Variants in SLC1A2 observed in about 807,000 individuals in gnomAD.
The protein encoded by SLC1A2 is solute carrier family 1 member 2, also known as excitatory amino acid transporter 2.
SLC1A2 carries 15 observed loss-of-function variants against 48.8 expected under a neutral mutation model. The observed-to-expected ratio is 0.31, with a 90% CI of 0.21 to 0.47. SLC1A2 has a LOEUF of 0.47. SLC1A2 is among the 20% of genes least tolerant of loss of function. SLC1A2 has a pLI of 0.99. For synonymous variants in SLC1A2, 279 were observed against 272.6 expected (o/e 1.02, Z -0.23); for missense variants, 502 against 730.5 (o/e 0.69, Z 3.61).
intron 1 of SLC1A2, among the ~76,000 whole-genome samples, chr11:35,319,153 G>T (rs1240219427): frequency 1.3e-5 from 2 of 152,224 alleles, no homozygotes; most frequent in Non-Finnish European, 2.9e-5. Context: ...GGGTATGACT[G>T]CTCACAGCAG....
chr11:35,371,442 C>A (rs1224431107), intron 1 of SLC1A2, among the ~76,000 whole-genome samples: 2 of 152,198 alleles, frequency 1.3e-5, no homozygotes, highest in Admixed American at 1.3e-4. Flanking sequence ...GGCCACTGGG[C>A]AGTCTACAAC....
intron 4 of SLC1A2, among the ~76,000 whole-genome samples, chr11:35,308,567 T>A (rs1325365596): frequency 1.3e-5 from 2 of 152,210 alleles, no homozygotes; most frequent in Non-Finnish European, 2.9e-5. Context: ...TCTTGCTGCA[T>A]CATTATATGG....
intron 1 of SLC1A2, among the ~76,000 whole-genome samples, chr11:35,402,446 C>T (rs1446692675): frequency 2.6e-5 from 4 of 152,166 alleles, no homozygotes; most frequent in Non-Finnish European, 5.9e-5. Context: ...ATGAAAGCTC[C>T]GAGCCCTTCC....
At chr11:35,411,181 A>G (rs1855447996) in intron 1 of SLC1A2, among the ~76,000 whole-genome samples, 1 of 152,242 alleles carries the variant, frequency 6.6e-6, no homozygotes, top group East Asian at 1.9e-4. Flanking sequence ...CTATAATTCC[A>G]TTACTCTCTA....
chr11:35,407,181 A>C (rs1565308479), intron 1 of SLC1A2, among the ~76,000 whole-genome samples: 1 of 152,058 alleles, frequency 6.6e-6, no homozygotes, highest in African/African-American at 2.4e-5. Flanking sequence ...TGGCTGCCCC[A>C]TCTGTCACTC....
chr11:35,331,272 A>G (rs1852416573), intron 1 of SLC1A2, among the ~76,000 whole-genome samples: 1 of 152,202 alleles, frequency 6.6e-6, no homozygotes, highest in Non-Finnish European at 1.5e-5. Flanking sequence ...GCTCAGCAAC[A>G]CCATGCCTCT....
chr11:35,322,530 G>A (rs1376405512), intron 1 of SLC1A2: 1 of 1,305,818 alleles, frequency 7.7e-7, no homozygotes, highest in East Asian at 2.5e-5. Context: ...TTCTCCTGGA[G>A]GATGTGAGGT....
chr11:35,341,255 G>C (rs145204848), intron 1 of SLC1A2, among the ~76,000 whole-genome samples: 1 of 152,082 alleles, frequency 6.6e-6, no homozygotes, highest in Non-Finnish European at 1.5e-5. Flanking sequence ...TGGGGGTAAC[G>C]AGACTTAAGA....
chr11:35,348,451 A>C (rs1730111735), intron 1 of SLC1A2, among the ~76,000 whole-genome samples: 1 of 152,184 alleles, frequency 6.6e-6, no homozygotes, highest in Non-Finnish European at 1.5e-5. Context: ...ATAAATGAAG[A>C]AGAAATATTA....
intron 1 of SLC1A2, among the ~76,000 whole-genome samples, chr11:35,393,413 G>A (rs913842485): frequency 5.3e-5 from 8 of 152,286 alleles, no homozygotes; most frequent in African/African-American, 1.9e-4. Context: ...ACACAGGCCA[G>A]CCCAGCTCCT....
intron 6 of SLC1A2, among the ~76,000 whole-genome samples, chr11:35,296,450 TG>T (rs1851173862): frequency 6.6e-6 from 1 of 152,216 alleles, no homozygotes; most frequent in Admixed American, 6.5e-5. Flanking sequence ...AGTTACCATT[TG>T]TGGATTAGAA....
chr11:35,389,183 G>C (rs1026818424), intron 1 of SLC1A2, among the ~76,000 whole-genome samples: 12 of 152,102 alleles, frequency 7.9e-5, no homozygotes, highest in African/African-American at 2.9e-4. Context: ...ATCAATAAGA[G>C]AATGAAGTGC....
chr11:35,284,591 T>C (rs1352606610), intron 8 of SLC1A2, among the ~76,000 whole-genome samples: 1 of 152,098 alleles, frequency 6.6e-6, no homozygotes, highest in Non-Finnish European at 1.5e-5. Context: ...GAATTTTTTC[T>C]TTTCTCTATT....
At chr11:35,295,068 GAC>G (rs1387357308) in intron 6 of SLC1A2, among the ~76,000 whole-genome samples, 1 of 151,948 alleles carries the variant, frequency 6.6e-6, no homozygotes, top group Non-Finnish European at 1.5e-5. Context: ...TATATTTTGA[GAC>G]AGAGTCTTGC....
At chr11:35,372,739 G>T (rs1854098976) in intron 1 of SLC1A2, among the ~76,000 whole-genome samples, 1 of 152,066 alleles carries the variant, frequency 6.6e-6, no homozygotes, top group Non-Finnish European at 1.5e-5. Context: ...CTCAAAGTAA[G>T]AATCTACAAC....
At chr11:35,304,376 C>T (rs536941538) in intron 5 of SLC1A2, among the ~76,000 whole-genome samples, 1 of 152,102 alleles carries the variant, frequency 6.6e-6, no homozygotes, top group South Asian at 2.1e-4. Flanking sequence ...AAGTTATGAC[C>T]CACCAGAAAA....
chr11:35,283,031 T>A (rs1239234120), intron 8 of SLC1A2, among the ~76,000 whole-genome samples: 1 of 145,780 alleles, frequency 6.9e-6, no homozygotes. Context: ...ACACACAATA[T>A]CAGAGCAGAA....
intron 3 of SLC1A2, among the ~76,000 whole-genome samples, chr11:35,313,785 C>G (rs1277440994): frequency 1.3e-5 from 2 of 152,118 alleles, no homozygotes; most frequent in Admixed American, 6.5e-5. Context: ...ATGATAAGGT[C>G]CCACTTAGCC....
At chr11:35,341,521 A>G (rs925527032) in intron 1 of SLC1A2, among the ~76,000 whole-genome samples, 1 of 152,254 alleles carries the variant, frequency 6.6e-6, no homozygotes, top group Non-Finnish European at 1.5e-5. Flanking sequence ...GGTATAGAAC[A>G]TCACAAGCAG....
Sources: gnomAD v4.1 joint callset for allele counts (sites outside exome capture counted in the v4.1 genomes callset) on GRCh38, gnomAD v4.1.1 for gene constraint, MANE v1.5 for transcripts, NCBI Gene and HGNC (gene_info 2026-07-23, HGNC 2026-07-21) for gene names.